Variants in SNX31 observed in about 807,000 individuals in gnomAD.
The protein encoded by SNX31 is sorting nexin 31.
SNX31 carries 58 observed loss-of-function variants against 65.4 expected under a neutral mutation model. That is an observed-to-expected ratio of 0.89 (90% CI 0.72 to 1.10). SNX31 has a LOEUF of 1.10. Among genes scored for constraint, SNX31 ranks in the 50% least tolerant of loss-of-function variants. The pLI, the probability that SNX31 is intolerant of heterozygous loss-of-function variation, is 0.00. For synonymous variants in SNX31, 181 were observed against 190.1 expected (o/e 0.95, Z 0.39); for missense variants, 523 against 529.7 (o/e 0.99, Z 0.12).
At position 100,591,402 on chromosome 8, in the gene SNX31, C is replaced by T. The variant is rs530125749; in HGVS notation, c.979-2423G>A. Among the ~76,000 whole-genome samples, 385 of 147,684 alleles carry T rather than the reference C, an allele frequency of 2.6e-3. 2 individuals carry two copies. The highest frequency in any genetic ancestry group is 9.1e-3 in the African/African-American group (363 of 39,774). On this transcript the variant is annotated intron_variant, in intron 10 of 13. Transcript: ENST00000311812. The stretch of plus-strand genomic sequence containing the variant: ...TACTCGGGAGGCTGAGGCAGGAGAA[C>T]GGCTTGAACCCGGGAGGCGGAGCTT...
chr8:100,602,781 G>A (rs1586911828), intron 8 of SNX31, among the ~76,000 whole-genome samples: 1 of 152,276 alleles, frequency 6.6e-6, no homozygotes, highest in Non-Finnish European at 1.5e-5. Flanking sequence ...CATGTTCCGG[G>A]CCAGCAAGAC....
rs113497801 is a variant in SNX31 at position 100,633,244 on chromosome 8, T to A, written c.256+2653A>T. Reference sequence around the variant, plus strand: ...ATGCCGAGCCTAATTGTTGGTGAAGTTTGAATAAGGTCTCTAGATAGATTA... The same window carrying A: ...ATGCCGAGCCTAATTGTTGGTGAAGATTGAATAAGGTCTCTAGATAGATTA... On this transcript the variant is annotated intron_variant, in intron 3 of 13. Transcript: ENST00000311812. Among the ~76,000 whole-genome samples the A allele has an allele frequency of 4.3e-4, 66 of 152,226 alleles. 2 individuals carry two copies. Among genetic ancestry groups the A allele is most frequent in the African/African-American group, 1.5e-3 (63 of 41,528 alleles).
Position 100,596,759 on chromosome 8 carries a change from A to G in SNX31, c.858T>C (p.Ser286=). The change falls in exon 10 of 14, where the codon TCT becomes TCC. Residue 286 remains serine (S), a synonymous_variant. Transcript: ENST00000311812. ...PCTCDYPESG[S]GAVLSVGNNE... ...TATTGCCAACAGAAAGAACAGCTCC[A>G]GAGCCTGATTCTGGGTAGTCACAGG... 1 of 1,614,206 alleles carries G rather than the reference A, an allele frequency of 6.2e-7. No individual in the cohort carries two copies. Among genetic ancestry groups the G allele is most frequent in the Non-Finnish European group, 8.5e-7 (1 of 1,180,032 alleles).
chr8:100,595,315 T>C (rs866923898), intron 10 of SNX31, among the ~76,000 whole-genome samples: 4,052 of 126,396 alleles, frequency 0.032, 203 homozygotes, highest in African/African-American at 0.14. Flanking sequence ...GAATTTGTTG[T>C]TTTTTTTTTT....
chr8:100,609,804 T>C lies in SNX31; in HGVS notation c.612-1241A>G, dbSNP rs568897393. Among the ~76,000 whole-genome samples, 4 of 152,142 alleles carry C rather than the reference T, an allele frequency of 2.6e-5. No individual in the cohort carries two copies. The highest frequency in any genetic ancestry group is 4.4e-5 in the Non-Finnish European group (3 of 68,024). ...CACCCACACATCCCAGAGGCCCCTG[T>C]GTGCAGAGAATAGACCCATCCCAGA... is the stretch of plus-strand genomic sequence containing the variant. On this transcript the variant is annotated intron_variant, in intron 7 of 13. Coordinates refer to ENST00000311812, the MANE Select transcript of SNX31 (RefSeq NM_152628.4). This position sits in a 1 kb window ranked among gnomAD's most constrained non-coding sequence, Gnocchi z 4.9.
chr8:100,602,456 G>A (rs545459977), intron 8 of SNX31, among the ~76,000 whole-genome samples: 8 of 152,286 alleles, frequency 5.3e-5, no homozygotes, highest in Middle Eastern at 3.4e-3. Flanking sequence ...TCCCAGGAGG[G>A]ATGCCTGGTA....
chr8:100,630,495 GTCTCC>G lies in SNX31; in HGVS notation c.257-109_257-105del. The stretch of plus-strand genomic sequence containing the variant: ...TCCCTCCATGCCTTGCCAGTGCTCT[GTCTCC>G]TCCCTGAAGTGATAAATGTTGAAAC... On this transcript the variant is annotated intron_variant, in intron 3 of 13. Transcript: ENST00000311812. This position sits in a 1 kb window ranked among gnomAD's most constrained non-coding sequence, Gnocchi z 5.3. The G allele has an allele frequency of 1.1e-6, 1 of 897,730 alleles. No homozygotes were observed. Among genetic ancestry groups the G allele is most frequent in the Non-Finnish European group, 1.7e-6 (1 of 588,364 alleles). 55.6% of individuals were successfully genotyped at this position (897,730 alleles called of 1,614,324 possible). A position where few individuals can be genotyped will look rare whatever the true frequency, so the allele number is the denominator to read the frequency against.
upstream of SNX31, among the ~76,000 whole-genome samples, chr8:100,652,974 G>A (rs1460770218): frequency 6.6e-6 from 1 of 152,226 alleles, no homozygotes; most frequent in Non-Finnish European, 1.5e-5. Flanking sequence ...AGCAAACATG[G>A]AAGAGATTCC....
intron 8 of SNX31, among the ~76,000 whole-genome samples, chr8:100,607,559 C>CA (rs1225589623): frequency 6.6e-5 from 10 of 151,750 alleles, no homozygotes; most frequent in Non-Finnish European, 1.3e-4. Flanking sequence ...GTAATGGTCA[C>CA]AAAAAAATAG....
At chr8:100,662,493 T>G (rs888631121) in intron 1 of SNX31, among the ~76,000 whole-genome samples, 3 of 151,790 alleles carry the variant, frequency 2.0e-5, no homozygotes, top group Non-Finnish European at 2.9e-5. Flanking sequence ...AGGTCAGGGG[T>G]TTGAGATCAG....
chr8:100,647,972 C>G (rs548507930), intron 2 of SNX31, among the ~76,000 whole-genome samples: 1 of 152,198 alleles, frequency 6.6e-6, no homozygotes, highest in Non-Finnish European at 1.5e-5. Flanking sequence ...ATTTGACAAT[C>G]GTTCCTAAGG....
intron 1 of SNX31, among the ~76,000 whole-genome samples, chr8:100,659,386 G>T (rs1809740457): frequency 6.7e-6 from 1 of 150,034 alleles, no homozygotes; most frequent in South Asian, 2.1e-4. Context: ...AAGCGTGGGG[G>T]GACATCACAC....
intron 11 of SNX31, among the ~76,000 whole-genome samples, chr8:100,587,004 T>C (rs946208556): frequency 6.6e-6 from 1 of 152,220 alleles, no homozygotes; most frequent in African/African-American, 2.4e-5. Flanking sequence ...TAAAAGCCTA[T>C]GGTAGACATG....
chr8:100,613,574 C>A lies in SNX31; in HGVS notation c.433-489G>T, dbSNP rs964073032. Among the ~76,000 whole-genome samples, 2 of 152,218 alleles carry A rather than the reference C, an allele frequency of 1.3e-5. No homozygotes were observed. The highest frequency in any genetic ancestry group is 2.4e-5 in the African/African-American group (1 of 41,460). ...CATGCGCTACTGCCCACCTTTGACA[C>A]GCCAGGCCTGCTTCGCCTTGATGTT... is the stretch of plus-strand genomic sequence containing the variant. On this transcript the variant is annotated intron_variant, in intron 5 of 13. Coordinates refer to ENST00000311812, the MANE Select transcript of SNX31 (RefSeq NM_152628.4). The surrounding 1 kb of genome is among the most constrained non-coding windows in gnomAD (Gnocchi z 5.2).
intron 1 of SNX31, among the ~76,000 whole-genome samples, chr8:100,661,066 C>T (rs1236195359): frequency 4.8e-5 from 7 of 146,408 alleles, no homozygotes; most frequent in Admixed American, 7.0e-5. Context: ...AGTGCAGTGG[C>T]GTGATCTCGG....
Position 100,576,996 on chromosome 8 carries a change from A to G in SNX31, c.1227+23T>C. ...GATTTATCAAAATTATAATGTACCA[A>G]TTACATAATTTTACTCACAGACCTG... On this transcript the variant is annotated intron_variant, in intron 13 of 13. Coordinates refer to ENST00000311812, the MANE Select transcript of SNX31 (RefSeq NM_152628.4). The surrounding 1 kb of genome is among the most constrained non-coding windows in gnomAD (Gnocchi z 4.8). 2 of 1,589,032 alleles carry G rather than the reference A, an allele frequency of 1.3e-6. No homozygotes were observed. The highest frequency in any genetic ancestry group is 1.3e-5 in the African/African-American group (1 of 74,368).
chr8:100,607,976 G>A (rs1014684604), intron 8 of SNX31, among the ~76,000 whole-genome samples: 1 of 152,202 alleles, frequency 6.6e-6, no homozygotes, highest in African/African-American at 2.4e-5. Flanking sequence ...TTGGCTCAGG[G>A]GCAAGAAGGC....
intron 8 of SNX31, among the ~76,000 whole-genome samples, chr8:100,607,506 C>G (rs1337920532): frequency 1.3e-5 from 2 of 152,066 alleles, no homozygotes; most frequent in Admixed American, 6.5e-5. Context: ...CAGGGTCTAC[C>G]TAGTGCAAAA....
At chr8:100,662,949 G>A (rs1418362083) in intron 1 of SNX31, among the ~76,000 whole-genome samples, 1 of 152,084 alleles carries the variant, frequency 6.6e-6, no homozygotes, top group Non-Finnish European at 1.5e-5. Context: ...AAAACAAGAA[G>A]AAAATCGTGC....
Sources: allele counts gnomAD v4.1 joint callset (sites outside exome capture counted in the v4.1 genomes callset), GRCh38; gene constraint gnomAD v4.1.1; non-coding constraint Gnocchi (gnomAD v3.1); transcripts MANE v1.5; gene names NCBI Gene and HGNC (gene_info 2026-07-23, HGNC 2026-07-21).